The following CCNL1 variants were observed in gnomAD, a reference collection of about 807,000 sequenced individuals.
CCNL1 encodes the protein cyclin L1.
A neutral mutation model predicts 60.6 loss-of-function variants in CCNL1; 13 were observed. That is an observed-to-expected ratio of 0.21 (90% CI 0.14 to 0.34). The LOEUF is 0.34. Among genes scored for constraint, CCNL1 ranks in the 10% least tolerant of loss-of-function variants. CCNL1 has a pLI of 1.00. For synonymous variants in CCNL1, 270 were observed against 244.3 expected (o/e 1.10, Z -0.98); for missense variants, 481 against 664.3 (o/e 0.72, Z 3.03).
intron 5 of CCNL1, 110 bp from the exon 6 acceptor site, chr3:157,150,491 A>G: frequency 6.8e-7 from 1 of 1,461,946 alleles, no homozygotes. Context: ...TCTTATTTAT[A>G]TTCACATCCT....
downstream of CCNL1, among the ~76,000 whole-genome samples, chr3:157,145,650 C>G (rs147338179): frequency 2.4e-3 from 367 of 152,098 alleles, 1 homozygote; most frequent in African/African-American, 8.4e-3. Flanking sequence ...CAGTAAAATA[C>G]CTGGTGGATG....
intron 5 of CCNL1, chr3:157,151,099 ATT>A: frequency 1.0e-6 from 1 of 984,970 alleles, no homozygotes; most frequent in Non-Finnish European, 1.2e-6. Context: ...TAAATGGACT[ATT>A]TCTTAAAAAT....
rs539802049 is a variant in CCNL1, at chr3:157,160,117, G to T, written c.-23C>A. 4 of 1,528,402 alleles carry T rather than the reference G, an allele frequency of 2.6e-6. No individual in the cohort carries two copies. The highest frequency in any genetic ancestry group is 4.9e-5 in the East Asian group (2 of 40,714). The allele number at this position is 1,528,402 out of a possible 1,614,324, so 94.7% of individuals were successfully genotyped here. ...CATAGTCTTAGCGAGCCGCACGCAA[G>T]CCCAACGCAGCCGGAACCCGAAACA... is the stretch of plus-strand genomic sequence containing the variant. On this transcript the variant is annotated 5_prime_UTR_variant, in exon 1 of 11. Coordinates refer to ENST00000295926, the MANE Select transcript of CCNL1 (RefSeq NM_020307.4).
Position 157,149,474 on chromosome 3 carries a change from A to G in CCNL1, c.1133+11T>C. ...TTCCTCAAGCCAGTTTTCCAGCCCAAGTATACTCACCCATTGTAAGGGCTT... is the reference window on the plus strand; with the variant it reads ...TTCCTCAAGCCAGTTTTCCAGCCCAGGTATACTCACCCATTGTAAGGGCTT... On this transcript the variant is annotated intron_variant, in intron 9 of 10. Transcript: ENST00000295926. 6.2e-7 allele frequency: 1 copy of G among 1,612,528 alleles called. No individual in the cohort carries two copies. Among genetic ancestry groups the G allele is most frequent in the Non-Finnish European group, 8.5e-7 (1 of 1,178,592 alleles).
chr3:157,146,070 G>C (rs1319397766), downstream of CCNL1, among the ~76,000 whole-genome samples: 1 of 152,140 alleles, frequency 6.6e-6, no homozygotes, highest in Non-Finnish European at 1.5e-5. Flanking sequence ...TGAGACACTT[G>C]GGAACAAACT....
At chr3:157,143,754 A>G (rs974382753), downstream of CCNL1, among the ~76,000 whole-genome samples, 2 of 152,160 alleles carry the variant, frequency 1.3e-5, no homozygotes, top group African/African-American at 4.8e-5. Context: ...TGGGACCTGA[A>G]TAAAGACTAT....
intron 2 of CCNL1, 106 bp from the exon 3 acceptor site, chr3:157,159,081 A>G (rs1161312148): frequency 6.8e-6 from 5 of 734,746 alleles, no homozygotes; most frequent in South Asian, 1.7e-5. Context: ...TAGAGAAGAC[A>G]TCTCTATGCC....
In CCNL1 at chr3:157,160,065, A is replaced by G. The variant is rs2108145659; in HGVS notation, c.30T>C (p.Thr10=). 6.4e-7 allele frequency: 1 copy of G among 1,557,442 alleles called. No homozygotes were observed. The highest frequency in any genetic ancestry group is 2.4e-5 in the East Asian group (1 of 41,522). Residue 10 remains threonine, a synonymous_variant, in exon 1 of 11, where the codon ACT becomes ACC. Transcript: ENST00000295926. ...CGGCCGATGAGGCGGCTGCGGCAGC[A>G]GTAGCTGTCGAATGAGGCCCGGACG... MASGPHSTA[T]AAAAASSAAP... is the part of the protein sequence containing the mutation.
chr3:157,150,307 A>T lies in CCNL1; in HGVS notation c.749T>A (p.Ile250Asn). 6.2e-7 allele frequency: 1 copy of T among 1,614,000 alleles called. No individual in the cohort carries two copies. The highest frequency in any genetic ancestry group is 8.5e-7 in the Non-Finnish European group (1 of 1,179,904). Reference protein sequence around the residue: ...FQPETIACACIYLAARALQIP... With the variant: ...FQPETIACACNYLAARALQIP... ...CTGAAGTGCTCTAGCTGCAAGGTAG[A>T]TGCAAGCACATGCTATAGTCTCTGG... Residue 250 changes from isoleucine (I) to asparagine (N), a missense_variant, in exon 6 of 11, where the codon ATC becomes AAC. Transcript: ENST00000295926.
rs142030218 is a variant in CCNL1, at chr3:157,148,500, T to C, written c.1322A>G (p.His441Arg). The change falls in exon 11 of 11, where the codon CAT becomes CGT. Residue 441 changes from histidine to arginine, a missense_variant. By Grantham distance (29) the His-to-Arg change is conservative. Transcript: ENST00000295926. ...CTTAAGGTGAGGAGAACCATGATTA[T>C]GATGTCTTCGAGGGCTTTCACTGTG... ...RSHSESPRRH[H>R]NHGSPHLKAK... is the part of the protein sequence containing the mutation. The C allele has an allele frequency of 1.2e-6, 2 of 1,614,216 alleles. No homozygotes were observed. Among genetic ancestry groups the C allele is most frequent in the Non-Finnish European group, 1.7e-6 (2 of 1,180,032 alleles).
chr3:157,159,659 G>A, intron 1 of CCNL1, 133 bp downstream of exon 1: 1 of 1,052,362 alleles, frequency 9.5e-7, no homozygotes, highest in South Asian at 1.7e-5. Context: ...CGCCCCGGCC[G>A]CGGCTGGGCC....
intron 3 of CCNL1, chr3:157,154,244 G>C (rs1738416550): frequency 6.6e-6 from 1 of 152,176 alleles, no homozygotes; most frequent in East Asian, 1.9e-4. Context: ...TTTCAGTCAG[G>C]AAAGGTTAAG....
chr3:157,154,639 A>G (rs73012148), intron 3 of CCNL1: 218 of 152,344 alleles, frequency 1.4e-3, no homozygotes, highest in African/African-American at 5.1e-3. Flanking sequence ...CAGTTATCAT[A>G]CATTTTCCTT....
At chr3:157,145,461 A>AAC (rs1737754553), downstream of CCNL1, among the ~76,000 whole-genome samples, 3 of 148,300 alleles carry the variant, frequency 2.0e-5, no homozygotes, top group South Asian at 6.3e-4. Context: ...AAAAAAAAAA[A>AAC]AAACCAAAAC....
chr3:157,148,038 T>TA lies in CCNL1; in HGVS notation c.*202dup, dbSNP rs1737866974. 2 of 1,337,094 alleles carry TA rather than the reference T, an allele frequency of 1.5e-6. No homozygotes were observed. The highest frequency in any genetic ancestry group is 1.9e-6 in the Non-Finnish European group (2 of 1,048,528). The allele number at this position is 1,337,094 out of a possible 1,614,324, so 82.8% of individuals were successfully genotyped here. ...ATTGAACCTGACCATGGTTTTTAAT[T>TA]AGATACTGCTAGGGCATTTTAATGT... On this transcript the variant is annotated 3_prime_UTR_variant, in exon 11 of 11. Transcript: ENST00000295926.
intron 10 of CCNL1, chr3:157,148,949 A>C: frequency 3.0e-6 from 1 of 329,416 alleles, no homozygotes; most frequent in Non-Finnish European, 5.5e-6. Flanking sequence ...GGTTAATTTG[A>C]TTATTGGTTA....
chr3:157,155,840 T>TA (rs1444160644), intron 3 of CCNL1, among the ~76,000 whole-genome samples: 1 of 152,132 alleles, frequency 6.6e-6, no homozygotes, highest in Non-Finnish European at 1.5e-5. Flanking sequence ...AAAATCTCTT[T>TA]AAAAAAGAAG....
chr3:157,151,222 C>A (rs1738165748), intron 5 of CCNL1: 1 of 985,124 alleles, frequency 1.0e-6, no homozygotes, highest in African/African-American at 1.8e-5. Flanking sequence ...TTACTGAGTC[C>A]AAAAGAAGCA....
At chr3:157,154,346 T>G (rs1419153348) in intron 3 of CCNL1, 7 of 152,194 alleles carry the variant, frequency 4.6e-5, no homozygotes, top group Non-Finnish European at 1.0e-4. Context: ...ACTACTATTT[T>G]ATCAAGACAC....
Sources: gnomAD v4.1 joint callset for allele counts (sites outside exome capture counted in the v4.1 genomes callset) on GRCh38, gnomAD v4.1.1 for gene constraint, MANE v1.5 for transcripts, NCBI Gene and HGNC (gene_info 2026-07-23, HGNC 2026-07-21) for gene names.